The following ARHGAP28 variants were observed in gnomAD, a reference collection of about 807,000 sequenced individuals.
ARHGAP28 encodes Rho GTPase activating protein 28.
Under a neutral mutation model 90.7 loss-of-function variants are expected in ARHGAP28, and 56 were observed. The observed-to-expected ratio is 0.62, with a 90% CI of 0.50 to 0.77. The LOEUF is 0.77. Ranked by LOEUF, ARHGAP28 falls within the 30% of genes least tolerant of loss-of-function variation. ARHGAP28 has a pLI of 0.00. For synonymous variants in ARHGAP28, 308 were observed against 323.3 expected, an observed-to-expected ratio of 0.95 and a Z score of 0.51; for missense variants, 869 against 900.9, an observed-to-expected ratio of 0.96 and a Z score of 0.45.
At chr18:6,750,390 G>C (rs79300846) in intron 1 of ARHGAP28, among the ~76,000 whole-genome samples, 3 of 152,058 alleles carry the variant, frequency 2.0e-5, no homozygotes, top group Admixed American at 1.3e-4. Flanking sequence ...ATCACACTCT[G>C]TTCCCTTTCT....
At chr18:6,829,928 C>G (rs1053379248) in intron 2 of ARHGAP28, among the ~76,000 whole-genome samples, 1 of 152,194 alleles carries the variant, frequency 6.6e-6, no homozygotes, top group African/African-American at 2.4e-5. Flanking sequence ...CTCCTGGAAC[C>G]TTCTAGGGGA....
intron 1 of ARHGAP28, among the ~76,000 whole-genome samples, chr18:6,738,309 A>G (rs2055945803): frequency 6.6e-6 from 1 of 151,922 alleles, no homozygotes; most frequent in Admixed American, 6.6e-5. Context: ...ATATTTACTT[A>G]TATACATTTA....
At chr18:6,901,361 C>A (rs2057337290) in intron 16 of ARHGAP28, among the ~76,000 whole-genome samples, 2 of 151,994 alleles carry the variant, frequency 1.3e-5, no homozygotes, top group Non-Finnish European at 2.9e-5. Flanking sequence ...TGGTGGTGCA[C>A]CCCCACTCCC....
At chr18:6,870,799 C>CT in intron 7 of ARHGAP28, 67 bp downstream of exon 7, 2 of 1,469,022 alleles carry the variant, frequency 1.4e-6, no homozygotes, top group Non-Finnish European at 1.8e-6. Flanking sequence ...ACTAAGATTT[C>CT]TTTTTCTTTT....
intron 1 of ARHGAP28, among the ~76,000 whole-genome samples, chr18:6,798,441 G>T (rs9965500): frequency 2.6e-5 from 4 of 152,116 alleles, no homozygotes; most frequent in African/African-American, 9.7e-5. Context: ...TGATCTGCCC[G>T]CCTCGGCCTC....
At chr18:6,735,950 G>A (rs760877764) in intron 1 of ARHGAP28, among the ~76,000 whole-genome samples, 10 of 152,150 alleles carry the variant, frequency 6.6e-5, no homozygotes, top group African/African-American at 1.9e-4. Context: ...TCTTACTAAC[G>A]TTGGTGTTAG....
Position 6,838,340 on chromosome 18 carries a change from C to T in ARHGAP28, c.543+926C>T, listed in dbSNP as rs1312301948. 5.3e-5 allele frequency among the ~76,000 whole-genome samples: 8 copies of T among 152,288 alleles called. No homozygotes were observed. In the East Asian group the frequency reaches 1.5e-3, roughly 29 times the overall value. ...TCAATAATGGCATACATTAAAACTT[C>T]AGGGGTATTGAGTAGAAATCATGGT... On this transcript the variant is annotated intron_variant, in intron 3 of 17. Transcript: ENST00000383472.
chr18:6,813,820 T>C (rs1383196493), intron 1 of ARHGAP28, among the ~76,000 whole-genome samples: 3 of 152,150 alleles, frequency 2.0e-5, no homozygotes, highest in East Asian at 1.9e-4. Context: ...AGATTCATTT[T>C]TCGTATCTAT....
At chr18:6,799,056 AC>A (rs1414937843) in intron 1 of ARHGAP28, among the ~76,000 whole-genome samples, 1 of 152,130 alleles carries the variant, frequency 6.6e-6, no homozygotes, top group African/African-American at 2.4e-5. Flanking sequence ...TGTTGGCAGA[AC>A]CTTTTCATCT....
chr18:6,865,548 T>C (rs540056488), intron 5 of ARHGAP28, among the ~76,000 whole-genome samples: 2 of 152,304 alleles, frequency 1.3e-5, no homozygotes, highest in African/African-American at 4.8e-5. Context: ...TGGAGTCATA[T>C]AGCACAGAAA....
intron 1 of ARHGAP28, among the ~76,000 whole-genome samples, chr18:6,738,765 G>A (rs1261551552): frequency 6.6e-6 from 1 of 152,148 alleles, no homozygotes; most frequent in Non-Finnish European, 1.5e-5. Flanking sequence ...GAGATAAAAA[G>A]CAGAAGAGAG....
chr18:6,780,170 G>A (rs2056313092), intron 1 of ARHGAP28, among the ~76,000 whole-genome samples: 1 of 152,170 alleles, frequency 6.6e-6, no homozygotes, highest in African/African-American at 2.4e-5. Flanking sequence ...ATATGCAGAA[G>A]CGAGACCACT....
At chr18:6,878,618 G>A (rs1347186952) in intron 10 of ARHGAP28, among the ~76,000 whole-genome samples, 1 of 152,220 alleles carries the variant, frequency 6.6e-6, no homozygotes, top group South Asian at 2.1e-4. Context: ...CCTTCAGAAA[G>A]TTATTATAGG....
intron 4 of ARHGAP28, among the ~76,000 whole-genome samples, chr18:6,852,359 T>C (rs560955738): frequency 1.8e-4 from 27 of 152,320 alleles, no homozygotes; most frequent in African/African-American, 5.8e-4. Context: ...AAGGTGTTGG[T>C]TTATTGAAAA....
At chr18:6,792,731 A>G (rs2143566899) in intron 1 of ARHGAP28, among the ~76,000 whole-genome samples, 1 of 152,304 alleles carries the variant, frequency 6.6e-6, no homozygotes, top group East Asian at 1.9e-4. Context: ...ACCTCTGTGG[A>G]ACTCTGTAGT....
chr18:6,761,944 G>A (rs1414129809), intron 1 of ARHGAP28, among the ~76,000 whole-genome samples: 2 of 152,202 alleles, frequency 1.3e-5, no homozygotes, highest in South Asian at 2.1e-4. Flanking sequence ...GATAGCAAGG[G>A]TAGTTGCTGT....
At chr18:6,752,662 T>C (rs11659553) in intron 1 of ARHGAP28, among the ~76,000 whole-genome samples, 2,708 of 152,240 alleles carry the variant, frequency 0.018, 34 homozygotes, top group Middle Eastern at 0.051. Flanking sequence ...TGCTGTGAAT[T>C]GGGCTCTGGA....
At chr18:6,896,887 AGT>A (rs1361163639) in intron 16 of ARHGAP28, 16 of 310,506 alleles carry the variant, frequency 5.2e-5, no homozygotes, top group Admixed American at 1.4e-4. Context: ...TCATTTATTC[AGT>A]GAGTTTTACC....
chr18:6,881,469 A>G (rs2057177390), intron 10 of ARHGAP28, among the ~76,000 whole-genome samples: 1 of 152,192 alleles, frequency 6.6e-6, no homozygotes, highest in Admixed American at 6.5e-5. Context: ...AGATGAATTC[A>G]TAATGTAAAA....
Sources: gnomAD v4.1 joint callset for allele counts (sites outside exome capture counted in the v4.1 genomes callset) on GRCh38, gnomAD v4.1.1 for gene constraint, MANE v1.5 for transcripts, NCBI Gene and HGNC (gene_info 2026-07-23, HGNC 2026-07-21) for gene names.